The following ANK3 variants were observed in gnomAD, a reference collection of about 807,000 sequenced individuals.
ANK3 encodes the protein ankyrin-3.
ANK3 carries 57 observed loss-of-function variants against 370.9 expected under a neutral mutation model. The ratio of observed to expected loss-of-function variants is 0.15; its 90% CI spans 0.12 to 0.19. The LOEUF is 0.19. Ranked by LOEUF, ANK3 falls within the 10% of genes least tolerant of loss-of-function variation. The pLI is 1.00. For synonymous variants in ANK3, 1,929 were observed against 1,946.3 expected (o/e 0.99, Z 0.23); for missense variants, 4,439 against 5,302.1 (o/e 0.84, Z 5.06).
chr10:60,458,069 T>C (rs989814625), intron 2 of ANK3, among the ~76,000 whole-genome samples: 14 of 152,108 alleles, frequency 9.2e-5, no homozygotes, highest in Admixed American at 2.6e-4. Context: ...TGCCTTCAGC[T>C]ATCTAGCACA....
chr10:60,683,337 T>G (rs906777739), intron 1 of ANK3, among the ~76,000 whole-genome samples: 1 of 152,178 alleles, frequency 6.6e-6, no homozygotes, highest in Non-Finnish European at 1.5e-5. Flanking sequence ...TCTGGTACAG[T>G]TATCAACTTT....
chr10:60,428,734 T>C (rs2063947174), intron 2 of ANK3, among the ~76,000 whole-genome samples: 1 of 152,188 alleles, frequency 6.6e-6, no homozygotes, highest in Non-Finnish European at 1.5e-5. Flanking sequence ...AAGGGCAAGG[T>C]AATTTCCAAC....
intron 23 of ANK3, among the ~76,000 whole-genome samples, chr10:60,149,492 T>C (rs1248203677): frequency 1.3e-5 from 2 of 152,220 alleles, no homozygotes; most frequent in Admixed American, 6.5e-5. Context: ...CAACAGCCTG[T>C]TGTTTGCAGT....
chr10:60,547,950 C>T (rs2077005485), intron 2 of ANK3, among the ~76,000 whole-genome samples: 1 of 152,040 alleles, frequency 6.6e-6, no homozygotes. Flanking sequence ...AATTTCCTTT[C>T]AGTAGAAATT....
intron 1 of ANK3, among the ~76,000 whole-genome samples, chr10:60,732,335 C>CGA (rs1481096047): frequency 1.3e-5 from 2 of 152,148 alleles, no homozygotes; most frequent in Admixed American, 1.3e-4. Context: ...CAAACATAAG[C>CGA]GAGTGTTTTA....
At chr10:60,308,295 CTTTTTT>C (rs66593889) in intron 1 of ANK3, among the ~76,000 whole-genome samples, 6 of 84,108 alleles carry the variant, frequency 7.1e-5, no homozygotes, top group Admixed American at 1.4e-4. Context: ...GGGAATCTGG[CTTTTTT>C]TTTTTTTTTT....
At chr10:60,641,619 C>G (rs1166915809) in intron 1 of ANK3, among the ~76,000 whole-genome samples, 2 of 151,900 alleles carry the variant, frequency 1.3e-5, no homozygotes, top group Middle Eastern at 3.4e-3. Context: ...ACACCTTATA[C>G]AAAAATTAAT....
At chr10:60,326,625 G>A (rs1219658767) in intron 1 of ANK3, among the ~76,000 whole-genome samples, 3 of 152,010 alleles carry the variant, frequency 2.0e-5, no homozygotes, top group Admixed American at 6.5e-5. Context: ...TTCTCTAAAT[G>A]ATCAGCCAAA....
intron 7 of ANK3, among the ~76,000 whole-genome samples, chr10:60,253,458 A>G (rs192091900): frequency 8.3e-4 from 127 of 152,362 alleles, no homozygotes; most frequent in Non-Finnish European, 1.6e-3. Context: ...CAAGTATATA[A>G]ATGGACATCA....
At position 60,069,646 on chromosome 10, in the gene ANK3, T is replaced by C. The variant is rs984907290; in HGVS notation, c.11235A>G (p.Ile3745Met). The change falls in exon 37 of 44, where the codon ATA becomes ATG. Residue 3745 changes from isoleucine (I) to methionine (M), a missense_variant. Ile to Met is a conservative substitution (Grantham distance 10). This residue lies in a region of ANK3 where 496 missense variants were observed against 529.3 expected (regional missense o/e 0.94). Transcript: ENST00000280772. ...CCTGACAACTGGTCATCACCGCTTC[T>C]ATCTTATCTGTTATTTCTCCAGGGC... The part of the protein sequence containing the change: ...KEGPGEITDK[I>M]EAVMTSCQGL... The C allele has an allele frequency of 4.3e-6, 7 of 1,614,206 alleles. No homozygotes were observed. Among genetic ancestry groups the C allele is most frequent in the Non-Finnish European group, 5.9e-6 (7 of 1,180,010 alleles).
chr10:60,163,779 C>T (rs2095555327), intron 23 of ANK3, among the ~76,000 whole-genome samples: 1 of 151,232 alleles, frequency 6.6e-6, no homozygotes, highest in African/African-American at 2.4e-5. Context: ...TTTTATTTTC[C>T]CTTATTACAA....
intron 1 of ANK3, among the ~76,000 whole-genome samples, chr10:60,726,973 A>G (rs2079950140): frequency 6.6e-6 from 1 of 152,126 alleles, no homozygotes. Context: ...ATACCAAAGG[A>G]ACAATTTCCC....
intron 1 of ANK3, among the ~76,000 whole-genome samples, chr10:60,726,601 C>G (rs1261540713): frequency 6.6e-6 from 1 of 152,154 alleles, no homozygotes; most frequent in Non-Finnish European, 1.5e-5. Flanking sequence ...AAAATCCAGA[C>G]TAAAACATAG....
At chr10:60,575,313 C>A (rs1433046552) in intron 2 of ANK3, among the ~76,000 whole-genome samples, 3 of 151,176 alleles carry the variant, frequency 2.0e-5, no homozygotes, top group African/African-American at 4.9e-5. Flanking sequence ...GTATTACAAG[C>A]TGAAGTGCTC....
At chr10:60,665,188 G>C (rs930641708) in intron 1 of ANK3, among the ~76,000 whole-genome samples, 3 of 151,992 alleles carry the variant, frequency 2.0e-5, no homozygotes, top group Admixed American at 2.0e-4. Flanking sequence ...GAGGAACACT[G>C]GGGGCACAAA....
intron 1 of ANK3, chr10:60,615,271 A>T (rs1047347930): frequency 7.2e-7 from 1 of 1,379,726 alleles, no homozygotes; most frequent in African/African-American, 1.5e-5. Flanking sequence ...AAAGAATTCC[A>T]TATATTTACC....
intron 1 of ANK3, among the ~76,000 whole-genome samples, chr10:60,677,364 A>G (rs1263937860): frequency 6.6e-6 from 1 of 152,164 alleles, no homozygotes; most frequent in African/African-American, 2.4e-5. Context: ...AACATATTAC[A>G]TTTTTCTAGA....
chr10:60,683,240 G>C (rs2079220670), intron 1 of ANK3, among the ~76,000 whole-genome samples: 1 of 152,182 alleles, frequency 6.6e-6, no homozygotes, highest in Non-Finnish European at 1.5e-5. Context: ...CATCTGTTTA[G>C]TAAGATTATT....
chr10:60,340,552 C>T (rs2054036060), intron 1 of ANK3, among the ~76,000 whole-genome samples: 1 of 152,106 alleles, frequency 6.6e-6, no homozygotes, highest in African/African-American at 2.4e-5. Flanking sequence ...GCTGGGATTG[C>T]AAGCATGTGC....
Sources: allele counts gnomAD v4.1 joint callset (sites outside exome capture counted in the v4.1 genomes callset), GRCh38; gene constraint gnomAD v4.1.1; regional missense constraint gnomAD v4.1.1; transcripts MANE v1.5; gene names NCBI Gene and HGNC (gene_info 2026-07-23, HGNC 2026-07-21).